DGKI: variants seen among roughly 807,000 people sequenced by gnomAD.
DGKI encodes the protein DAG kinase iota.
DGKI carries 55 observed loss-of-function variants against 147.5 expected under a neutral mutation model. The ratio of observed to expected loss-of-function variants is 0.37; its 90% CI spans 0.30 to 0.47. The LOEUF is 0.47. Ranked by LOEUF, DGKI falls within the 20% of genes least tolerant of loss-of-function variation. The pLI, the probability that DGKI is intolerant of heterozygous loss-of-function variation, is 1.00. For missense variants in DGKI, 1,007 were observed against 1,323.8 expected, an observed-to-expected ratio of 0.76 and a Z score of 3.71; for synonymous variants, 469 against 477.1, an observed-to-expected ratio of 0.98 and a Z score of 0.22.
chr7:137,805,760 T>C (rs1029508019), intron 1 of DGKI, among the ~76,000 whole-genome samples: 2 of 152,226 alleles, frequency 1.3e-5, no homozygotes, highest in African/African-American at 4.8e-5. Flanking sequence ...CAGATGGGCA[T>C]AATCTCTTAG....
At chr7:137,655,764 C>T (rs1443862699) in intron 4 of DGKI, among the ~76,000 whole-genome samples, 2 of 152,204 alleles carry the variant, frequency 1.3e-5, no homozygotes, top group Non-Finnish European at 2.9e-5. Context: ...TATTTCAATG[C>T]ATTTACCCAT....
chr7:137,466,802 T>G, intron 25 of DGKI, 100 bp downstream of exon 25: 1 of 1,207,748 alleles, frequency 8.3e-7, no homozygotes, highest in East Asian at 2.3e-5. Context: ...AATTTGTGTC[T>G]CAGTGGTTTT....
intron 1 of DGKI, among the ~76,000 whole-genome samples, chr7:137,812,542 C>T (rs1004272068): frequency 3.9e-5 from 6 of 152,174 alleles, no homozygotes; most frequent in Admixed American, 3.9e-4. Flanking sequence ...TTTTGAGGTC[C>T]TTATGCTGAG....
At chr7:137,633,454 T>C (rs1467002840) in intron 6 of DGKI, among the ~76,000 whole-genome samples, 2 of 152,182 alleles carry the variant, frequency 1.3e-5, no homozygotes, top group Non-Finnish European at 2.9e-5. Context: ...AATGTCACAT[T>C]CTTAAGAAGT....
chr7:137,628,476 G>A (rs1821019253), intron 6 of DGKI, among the ~76,000 whole-genome samples: 1 of 152,186 alleles, frequency 6.6e-6, no homozygotes, highest in African/African-American at 2.4e-5. Flanking sequence ...TAAACCACCT[G>A]CTATAGGAAG....
chr7:137,479,870 C>T (rs1331466552), intron 23 of DGKI, among the ~76,000 whole-genome samples: 2 of 152,048 alleles, frequency 1.3e-5, no homozygotes, highest in East Asian at 1.9e-4. Context: ...ATGTTGCATA[C>T]AAATAGGTAT....
At chr7:137,503,272 C>T (rs10272788) in intron 21 of DGKI, among the ~76,000 whole-genome samples, 3,991 of 152,128 alleles carry the variant, frequency 0.026, 79 homozygotes, top group South Asian at 0.073. Flanking sequence ...TGAGCAGATG[C>T]TAATTATTAT....
At chr7:137,436,239 T>G (rs1225993750) in intron 28 of DGKI, among the ~76,000 whole-genome samples, 1 of 152,228 alleles carries the variant, frequency 6.6e-6, no homozygotes, top group Non-Finnish European at 1.5e-5. Flanking sequence ...TTCTTGATTA[T>G]GAAGTATGGG....
chr7:137,599,235 T>C (rs915439315), intron 11 of DGKI, among the ~76,000 whole-genome samples: 1 of 152,128 alleles, frequency 6.6e-6, no homozygotes, highest in Non-Finnish European at 1.5e-5. Context: ...TCACCTACAA[T>C]CTAGACTTTA....
chr7:137,825,160 G>A (rs1339627265), intron 1 of DGKI, among the ~76,000 whole-genome samples: 1 of 152,160 alleles, frequency 6.6e-6, no homozygotes, highest in Non-Finnish European at 1.5e-5. Context: ...TTCTAACTAT[G>A]AGCTATGCCT....
intron 1 of DGKI, among the ~76,000 whole-genome samples, chr7:137,733,774 G>A (rs543003659): frequency 6.6e-6 from 1 of 152,078 alleles, no homozygotes; most frequent in East Asian, 1.9e-4. Flanking sequence ...TGAAAAAAGA[G>A]TTAAAATTTT....
At chr7:137,536,915 A>T (rs995346359) in intron 20 of DGKI, among the ~76,000 whole-genome samples, 3 of 139,842 alleles carry the variant, frequency 2.1e-5, no homozygotes, top group South Asian at 4.4e-4. Context: ...AAAACAAATT[A>T]AAAAAAAAAC....
chr7:137,834,994 C>G (rs896075715), intron 1 of DGKI, among the ~76,000 whole-genome samples: 4 of 152,204 alleles, frequency 2.6e-5, no homozygotes, highest in African/African-American at 9.7e-5. Context: ...ATAAACTGAG[C>G]TCCATGAATT....
intron 1 of DGKI, among the ~76,000 whole-genome samples, chr7:137,710,019 CAT>C (rs1428267184): frequency 1.3e-5 from 2 of 150,912 alleles, no homozygotes; most frequent in African/African-American, 2.4e-5. Flanking sequence ...CATTAAGAGA[CAT>C]AGAGAAGAGA....
At chr7:137,581,246 A>G (rs1350853089) in intron 15 of DGKI, among the ~76,000 whole-genome samples, 1 of 152,096 alleles carries the variant, frequency 6.6e-6, no homozygotes, top group Non-Finnish European at 1.5e-5. Context: ...AAATCACTAC[A>G]TGGTCTCATT....
At chr7:137,709,932 T>G (rs953195433) in intron 1 of DGKI, among the ~76,000 whole-genome samples, 3 of 151,788 alleles carry the variant, frequency 2.0e-5, no homozygotes, top group Non-Finnish European at 4.4e-5. Context: ...TGATTAAAAT[T>G]AATAAATGGG....
At position 137,428,215 on chromosome 7, in the gene DGKI, G is replaced by T. The variant is rs1043244248; in HGVS notation, c.2761+15862C>A. ...AAGCTTATCCACCATGATCAAGTGG[G>T]CTTCATCCCTGGGATGCAAGGCTGG... is the stretch of plus-strand genomic sequence containing the variant. On this transcript the variant is annotated intron_variant, in intron 28 of 32. Coordinates refer to ENST00000614521, the MANE Select transcript of DGKI (RefSeq NM_001321708.2). Among the ~76,000 whole-genome samples, 4 of 150,900 alleles carry T rather than the reference G, an allele frequency of 2.7e-5. No homozygotes were observed. In the East Asian group the frequency reaches 7.8e-4, roughly 29 times the overall value.
intron 28 of DGKI, among the ~76,000 whole-genome samples, chr7:137,436,047 T>C (rs535200160): frequency 6.6e-6 from 1 of 152,328 alleles, no homozygotes; most frequent in South Asian, 2.1e-4. Flanking sequence ...AGTGCTAAGA[T>C]TACAGGTGTA....
In DGKI at chr7:137,389,113, G is replaced by A. The variant is rs1251132280; in HGVS notation, c.*2107C>T. On this transcript the variant is annotated 3_prime_UTR_variant, in exon 33 of 33. Transcript: ENST00000614521. The stretch of plus-strand genomic sequence containing the variant: ...AAGCCAGATTCCAGTTTGTGTTAAG[G>A]ATTATATTTCTGTCATCACATTTCC... 1 of 152,130 alleles carries A rather than the reference G, an allele frequency of 6.6e-6. No homozygotes were observed. Among genetic ancestry groups the A allele is most frequent in the Admixed American group, 6.5e-5 (1 of 15,268 alleles). The allele number at this position is 152,130 out of a possible 1,614,324, so 9.4% of individuals were successfully genotyped here. A position where few individuals can be genotyped will look rare whatever the true frequency, so the allele number is the denominator to read the frequency against.
Sources: gnomAD v4.1 joint callset for allele counts (sites outside exome capture counted in the v4.1 genomes callset) on GRCh38, gnomAD v4.1.1 for gene constraint, MANE v1.5 for transcripts, NCBI Gene and HGNC (gene_info 2026-07-23, HGNC 2026-07-21) for gene names.